The following ZC3H11A variants were observed in gnomAD, a reference collection of about 807,000 sequenced individuals.
ZC3H11A encodes zinc finger CCCH-type containing 11A.
A neutral mutation model predicts 90.8 loss-of-function variants in ZC3H11A; 22 were observed. The observed-to-expected ratio is 0.24, with a 90% CI of 0.17 to 0.35. The LOEUF (loss-of-function observed/expected upper bound fraction) is 0.35. ZC3H11A is among the 10% of genes least tolerant of loss of function. The pLI is 1.00. For missense variants in ZC3H11A, 701 were observed against 964.9 expected (o/e 0.73, Z 3.62); for synonymous variants, 294 against 339.8 (o/e 0.87, Z 1.48).
rs369837051 is a variant in ZC3H11A, at chr1:203,850,584, G to A, written c.2009G>A (p.Arg670His). ...VVSSPKLAPKRKAVEMHAAVI... is the reference protein window; with the variant it reads ...VVSSPKLAPKHKAVEMHAAVI... Reference sequence around the variant, plus strand: ...TCATCCCCCAAATTGGCCCCAAAACGTAAGGCAGTGGAGATGCACGCTGCT... The same window carrying A: ...TCATCCCCCAAATTGGCCCCAAAACATAAGGCAGTGGAGATGCACGCTGCT... Residue 670 changes from arginine (R) to histidine (H), a missense_variant, in exon 16 of 18, where the codon CGT (arginine) becomes CAT (histidine). By Grantham distance (29) the Arg-to-His change is conservative (BLOSUM62 0). Around this residue, in one of 4 missense-constraint regions of ZC3H11A, gnomAD observed 530 missense variants for 696.2 expected, o/e 0.76. Coordinates refer to ENST00000367210, the MANE Select transcript of ZC3H11A (RefSeq NM_001376342.1). 17 of 1,613,942 alleles carry A rather than the reference G, an allele frequency of 1.1e-5. No individual in the cohort carries two copies. Among genetic ancestry groups the A allele is most frequent in the African/African-American group, 2.7e-5 (2 of 74,904 alleles).
chr1:203,841,598 C>G (rs1490414964), intron 12 of ZC3H11A, among the ~76,000 whole-genome samples: 1 of 152,238 alleles, frequency 6.6e-6, no homozygotes, highest in Admixed American at 6.5e-5. Context: ...TTTCTTTTCC[C>G]CACATTTCCC....
intron 1 of ZC3H11A, chr1:203,797,887 A>G (rs1669149522): frequency 6.5e-7 from 1 of 1,536,138 alleles, no homozygotes; most frequent in Non-Finnish European, 8.7e-7. Context: ...ATAGAAAAAC[A>G]GATCTATCTA....
At chr1:203,828,170 TA>T in intron 4 of ZC3H11A, 128 bp from the exon 5 acceptor site, 1 of 1,084,064 alleles carries the variant, frequency 9.2e-7, no homozygotes, top group Non-Finnish European at 1.3e-6. Context: ...CTCTTCCTTC[TA>T]AAAATCATCT....
At chr1:203,830,237 T>C (rs372337433) in intron 8 of ZC3H11A, 34 bp downstream of exon 8, 5 of 1,520,214 alleles carry the variant, frequency 3.3e-6, no homozygotes, top group Non-Finnish European at 3.6e-6. Flanking sequence ...GATAGTTGTA[T>C]GTTGCTAGGG....
intron 11 of ZC3H11A, among the ~76,000 whole-genome samples, chr1:203,838,753 C>G (rs999278460): frequency 6.6e-6 from 1 of 152,016 alleles, no homozygotes; most frequent in Admixed American, 6.6e-5. Context: ...ATGTTTGAGA[C>G]CAGTCTGGCC....
chr1:203,799,903 T>A (rs1214503675), intron 1 of ZC3H11A: 1 of 1,535,988 alleles, frequency 6.5e-7, no homozygotes, highest in Non-Finnish European at 8.7e-7. Context: ...TATAAGCAGT[T>A]CCTTGCAGAA....
At chr1:203,798,987 C>T in intron 1 of ZC3H11A, 1 of 1,536,138 alleles carries the variant, frequency 6.5e-7, no homozygotes, top group Non-Finnish European at 8.7e-7. Flanking sequence ...CATATGGACC[C>T]ATGACCCATC....
At chr1:203,851,023 C>G in intron 16 of ZC3H11A, 34 bp from the exon 17 acceptor site, 2 of 1,609,172 alleles carry the variant, frequency 1.2e-6, no homozygotes, top group Non-Finnish European at 1.7e-6. Context: ...AAAAGCCTGA[C>G]TCTCACTGAA....
intron 1 of ZC3H11A, chr1:203,798,512 T>C: frequency 6.5e-7 from 1 of 1,536,092 alleles, no homozygotes; most frequent in Non-Finnish European, 8.7e-7. Flanking sequence ...CTGTTGCAAA[T>C]GGATTAGATG....
chr1:203,804,150 GTGTT>G (rs1345396088), intron 2 of ZC3H11A, among the ~76,000 whole-genome samples: 2 of 131,018 alleles, frequency 1.5e-5, no homozygotes, highest in Non-Finnish European at 3.3e-5. Context: ...TCCTGTATAT[GTGTT>G]TTTTTTTTTT....
intron 11 of ZC3H11A, among the ~76,000 whole-genome samples, chr1:203,839,931 G>A (rs1037753760): frequency 4.6e-5 from 7 of 151,460 alleles, no homozygotes; most frequent in Admixed American, 4.6e-4. Flanking sequence ...AGCCTCCAGA[G>A]TATCTGAGAT....
chr1:203,814,222 T>C (rs1675473872), intron 2 of ZC3H11A, among the ~76,000 whole-genome samples: 1 of 152,154 alleles, frequency 6.6e-6, no homozygotes, highest in African/African-American at 2.4e-5. Flanking sequence ...CTCTGCCACT[T>C]TTTAACAGGA....
In ZC3H11A at chr1:203,833,784, A is replaced by T. The variant is rs1162786726; in HGVS notation, c.812-7A>T. On this transcript the variant is annotated splice_polypyrimidine_tract_variant and splice_region_variant and intron_variant, in intron 9 of 17. Coordinates refer to ENST00000367210, the MANE Select transcript of ZC3H11A (RefSeq NM_001376342.1). ...AGGATAGAGAAATTCTGCTTTTGCC[A>T]TTTCAGGAGAAGAACCCTTGGTTAG... The T allele has an allele frequency of 2.5e-6, 4 of 1,604,588 alleles. No individual in the cohort carries two copies. The South Asian group carries it at 4.5e-5, about 18-fold the overall frequency.
chr1:203,839,864 C>T lies in ZC3H11A; in HGVS notation c.974-442C>T, dbSNP rs115572274. Among the ~76,000 whole-genome samples the T allele has an allele frequency of 8.1e-4, 124 of 152,156 alleles. 1 individual carries two copies. Among genetic ancestry groups the T allele is most frequent in the Admixed American group, 2.0e-3 (30 of 15,286 alleles). On this transcript the variant is annotated intron_variant, in intron 11 of 17. Coordinates refer to ENST00000367210, the MANE Select transcript of ZC3H11A (RefSeq NM_001376342.1). ...TGTCACCCAGACTGGAGTGCAGTAGCGCTATCTCAGCTCACCCCAACCTCC... is the reference window on the plus strand; with the variant it reads ...TGTCACCCAGACTGGAGTGCAGTAGTGCTATCTCAGCTCACCCCAACCTCC...
chr1:203,833,242 C>T (rs1451441027), intron 9 of ZC3H11A, among the ~76,000 whole-genome samples: 1 of 151,994 alleles, frequency 6.6e-6, no homozygotes, highest in African/African-American at 2.4e-5. Context: ...GTGGTGCACG[C>T]CTGTAATCCC....
rs1279177268 is a variant in ZC3H11A, at chr1:203,831,651, C to T, written c.701-10C>T. 1 of 1,606,298 alleles carries T rather than the reference C, an allele frequency of 6.2e-7. No homozygotes were observed. The highest frequency in any genetic ancestry group is 1.7e-5 in the Admixed American group (1 of 59,334). On this transcript the variant is annotated splice_polypyrimidine_tract_variant and intron_variant, in intron 8 of 17. Transcript: ENST00000367210. ...AAATTATTTGCTGTTCTTTGACTTG[C>T]CTTATTCAGAGGGTTCTTCAGGAGT...
intron 12 of ZC3H11A, among the ~76,000 whole-genome samples, chr1:203,841,046 C>T (rs113358241): frequency 2.0e-5 from 3 of 151,688 alleles, no homozygotes; most frequent in African/African-American, 4.8e-5. Flanking sequence ...TGCTGAACAA[C>T]GATATGGAAA....
intron 11 of ZC3H11A, among the ~76,000 whole-genome samples, chr1:203,838,704 A>G (rs956207657): frequency 6.6e-6 from 1 of 152,178 alleles, no homozygotes; most frequent in African/African-American, 2.4e-5. Context: ...TAATCCCAGT[A>G]CTTTGGGAGG....
At chr1:203,796,906 T>C (rs1367090427) in intron 1 of ZC3H11A, 1 of 154,382 alleles carries the variant, frequency 6.5e-6, no homozygotes, top group African/African-American at 2.4e-5. Flanking sequence ...AGGGCTCAAC[T>C]AGCATTTGCT....
Sources: allele counts gnomAD v4.1 joint callset (sites outside exome capture counted in the v4.1 genomes callset), GRCh38; gene constraint gnomAD v4.1.1; regional missense constraint gnomAD v4.1.1; transcripts MANE v1.5; gene names NCBI Gene and HGNC (gene_info 2026-07-23, HGNC 2026-07-21).